Variants in GPM6A observed in about 807,000 individuals in gnomAD.
The protein encoded by GPM6A is glycoprotein M6A.
A neutral mutation model predicts 32.1 loss-of-function variants in GPM6A; 7 were observed. That is an observed-to-expected ratio of 0.22 (90% CI 0.12 to 0.41). The LOEUF is 0.41. GPM6A is among the 10% of genes least tolerant of loss of function. The pLI, the probability that GPM6A is intolerant of heterozygous loss-of-function variation, is 1.00. For synonymous variants in GPM6A, 130 were observed against 123.4 expected, an observed-to-expected ratio of 1.05 and a Z score of -0.35; for missense variants, 235 against 347.2, an observed-to-expected ratio of 0.68 and a Z score of 2.57.
intron 1 of GPM6A, among the ~76,000 whole-genome samples, chr4:175,929,345 C>T (rs1738949983): frequency 1.3e-5 from 2 of 152,188 alleles, no homozygotes; most frequent in South Asian, 4.1e-4. Context: ...TTAGTTCATG[C>T]TCAACGCCAG....
chr4:175,812,278 A>G (rs943674567), upstream of GPM6A: 4 of 1,272,740 alleles, frequency 3.1e-6, no homozygotes, highest in Non-Finnish European at 3.0e-6. Context: ...CAAAAGCTCA[A>G]TTAGATGTTG....
At chr4:175,647,918 G>A (rs113485386) in intron 4 of GPM6A, among the ~76,000 whole-genome samples, 91 of 152,152 alleles carry the variant, frequency 6.0e-4, no homozygotes, top group Non-Finnish European at 1.0e-3. Context: ...TAAACAGAAC[G>A]TCTTAATAGC....
intron 1 of GPM6A, among the ~76,000 whole-genome samples, chr4:175,926,278 C>A (rs995378827): frequency 3.2e-4 from 49 of 152,140 alleles, no homozygotes; most frequent in African/African-American, 1.2e-3. Flanking sequence ...AAAAAATACA[C>A]TGGCTTTTAC....
chr4:175,718,653 A>G (rs1745965499), intron 1 of GPM6A, among the ~76,000 whole-genome samples: 2 of 142,460 alleles, frequency 1.4e-5, no homozygotes, highest in Admixed American at 7.2e-5. Flanking sequence ...TACTACAATT[A>G]AATTGGTGAA....
At chr4:175,862,036 G>A (rs1736591098) in intron 1 of GPM6A, among the ~76,000 whole-genome samples, 1 of 152,094 alleles carries the variant, frequency 6.6e-6, no homozygotes, top group Non-Finnish European at 1.5e-5. Flanking sequence ...TTAATTCAAG[G>A]CAGAATTCAC....
At chr4:175,763,010 G>A (rs541611033) in intron 1 of GPM6A, among the ~76,000 whole-genome samples, 1 of 152,260 alleles carries the variant, frequency 6.6e-6, no homozygotes, top group East Asian at 1.9e-4. Context: ...GTTTCACAAT[G>A]CTGCCTGTGT....
chr4:175,638,559 T>C (rs1473557311), intron 6 of GPM6A, among the ~76,000 whole-genome samples: 5 of 152,130 alleles, frequency 3.3e-5, no homozygotes, highest in African/African-American at 1.2e-4. Flanking sequence ...AATCTGTTGA[T>C]TTGTTTTGAG....
chr4:176,001,944 TG>T (rs910809332), intron 1 of GPM6A, among the ~76,000 whole-genome samples: 16 of 152,210 alleles, frequency 1.1e-4, no homozygotes, highest in Admixed American at 1.0e-3. Context: ...ATTCGGATCC[TG>T]GGTCTCTTAG....
At chr4:175,753,354 A>G (rs932847328) in intron 1 of GPM6A, among the ~76,000 whole-genome samples, 2 of 152,210 alleles carry the variant, frequency 1.3e-5, no homozygotes, top group African/African-American at 4.8e-5. Context: ...CAGTCAGGTT[A>G]ATAAAAGTCA....
chr4:175,785,499 C>A (rs1733764937), intron 1 of GPM6A, among the ~76,000 whole-genome samples: 1 of 152,142 alleles, frequency 6.6e-6, no homozygotes, highest in Non-Finnish European at 1.5e-5. Context: ...AATTAGTAAC[C>A]ACATTATATT....
intron 1 of GPM6A, among the ~76,000 whole-genome samples, chr4:175,946,094 C>T (rs75500785): frequency 3.3e-5 from 5 of 151,880 alleles, no homozygotes; most frequent in African/African-American, 9.7e-5. Context: ...AGTATATCCA[C>T]GTAACAAAAC....
At chr4:175,791,850 T>C (rs893687402) in intron 1 of GPM6A, among the ~76,000 whole-genome samples, 3 of 152,182 alleles carry the variant, frequency 2.0e-5, no homozygotes, top group Non-Finnish European at 4.4e-5. Context: ...CTTCTGAAAA[T>C]TGACATATTG....
intron 1 of GPM6A, among the ~76,000 whole-genome samples, chr4:175,924,090 A>G (rs1215280553): frequency 6.6e-6 from 1 of 152,200 alleles, no homozygotes; most frequent in African/African-American, 2.4e-5. Flanking sequence ...GTAGCTCTCT[A>G]CTTTCTACTT....
In GPM6A at chr4:175,893,467, T is replaced by TAA. The variant is rs916071853; in HGVS notation, c.-22-81220_-22-81219dup. ...GCATGGAGTACCTAAAATCCTAAGT[T>TAA]AAACACTTCTCCCTTTCTCCTGACC... On this transcript the variant is annotated intron_variant, in intron 1 of 7. Coordinates refer to the GPM6A transcript ENST00000280187. 2.6e-4 allele frequency among the ~76,000 whole-genome samples: 40 copies of TAA among 152,144 alleles called. 1 individual carries two copies. Among genetic ancestry groups the TAA allele is most frequent in the South Asian group, 2.1e-4 (1 of 4,826 alleles).
At chr4:175,712,285 C>T (rs1362568821) in intron 1 of GPM6A, among the ~76,000 whole-genome samples, 9 of 152,204 alleles carry the variant, frequency 5.9e-5, no homozygotes, top group Admixed American at 5.9e-4. Context: ...TTCCTCCCTT[C>T]CTGTAGCTCT....
At chr4:175,820,539 T>G (rs1250933241) in intron 1 of GPM6A, among the ~76,000 whole-genome samples, 3 of 149,028 alleles carry the variant, frequency 2.0e-5, no homozygotes, top group Admixed American at 6.8e-5. Flanking sequence ...CTTGCTCTGT[T>G]GCCCAGGCTG....
intron 1 of GPM6A, among the ~76,000 whole-genome samples, chr4:175,961,809 A>G (rs774938046): frequency 4.6e-5 from 7 of 152,176 alleles, no homozygotes; most frequent in African/African-American, 7.2e-5. Context: ...CCAACCTCGA[A>G]GAAGGGAAAG....
intron 1 of GPM6A, among the ~76,000 whole-genome samples, chr4:175,845,136 G>A (rs546163959): frequency 1.5e-4 from 23 of 152,140 alleles, no homozygotes; most frequent in African/African-American, 4.6e-4. Context: ...TTTTGTGATA[G>A]TAGTCAATTA....
At chr4:175,960,410 A>T (rs1158816799) in intron 1 of GPM6A, among the ~76,000 whole-genome samples, 3 of 152,200 alleles carry the variant, frequency 2.0e-5, no homozygotes, top group Admixed American at 2.0e-4. Flanking sequence ...AGATGGGCTA[A>T]ATCTGTCCCA....
Sources: allele counts gnomAD v4.1 joint callset (sites outside exome capture counted in the v4.1 genomes callset), GRCh38; gene constraint gnomAD v4.1.1; transcripts MANE v1.5; gene names NCBI Gene and HGNC (gene_info 2026-07-23, HGNC 2026-07-21).